The following RIMS2 variants were observed in gnomAD, a reference collection of about 807,000 sequenced individuals.
RIMS2 encodes the protein regulating synaptic membrane exocytosis 2, also known as regulating synaptic membrane exocytosis protein 2.
RIMS2 carries 59 observed loss-of-function variants against 174.4 expected under a neutral mutation model. That is an observed-to-expected ratio of 0.34 (90% CI 0.27 to 0.42). The LOEUF (loss-of-function observed/expected upper bound fraction) is 0.42. Ranked by LOEUF, RIMS2 falls within the 10% of genes least tolerant of loss-of-function variation. The pLI is 1.00. For missense variants in RIMS2, 1,620 were observed against 1,666.3 expected (o/e 0.97, Z 0.48); for synonymous variants, 606 against 572.5 (o/e 1.06, Z -0.84).
intron 1 of RIMS2, among the ~76,000 whole-genome samples, chr8:103,671,191 G>A (rs191131359): frequency 2.1e-4 from 31 of 148,842 alleles, no homozygotes; most frequent in Non-Finnish European, 3.9e-4. Context: ...AACAATATGG[G>A]GGAAACCGCC....
chr8:104,139,296 T>G (rs899296045), intron 19 of RIMS2, among the ~76,000 whole-genome samples: 1 of 152,214 alleles, frequency 6.6e-6, no homozygotes, highest in Non-Finnish European at 1.5e-5. Context: ...TTTCTATTTC[T>G]GTGAAGAATA....
intron 1 of RIMS2, among the ~76,000 whole-genome samples, chr8:103,615,039 T>C (rs575217461): frequency 9.0e-4 from 137 of 152,364 alleles, no homozygotes; most frequent in African/African-American, 3.1e-3. Flanking sequence ...ATTATGTTTA[T>C]ATTATATTAT....
chr8:104,138,710 T>C (rs1013111411), intron 19 of RIMS2, among the ~76,000 whole-genome samples: 4 of 151,848 alleles, frequency 2.6e-5, no homozygotes, highest in Non-Finnish European at 4.4e-5. Flanking sequence ...TTTCTCCTAT[T>C]CTGTGGATTG....
At chr8:103,616,927 C>G (rs1439384785) in intron 1 of RIMS2, among the ~76,000 whole-genome samples, 2 of 152,148 alleles carry the variant, frequency 1.3e-5, no homozygotes, top group Admixed American at 1.3e-4. Context: ...GAATCGGTAT[C>G]ATTAAAATAG....
In RIMS2 at chr8:104,243,687, A is replaced by G. The variant is rs371758167; in HGVS notation, c.3335-1229A>G. Among the ~76,000 whole-genome samples the G allele has an allele frequency of 3.0e-4, 45 of 152,172 alleles. 1 individual carries two copies. In the East Asian group the frequency reaches 6.4e-3, roughly 22 times the overall value. ...GGCAACAGTGCAAGACTTTGTCTCAAAAAAAAAGAACTTATTAATACCAGC... is the reference window on the plus strand; with the variant it reads ...GGCAACAGTGCAAGACTTTGTCTCAGAAAAAAAGAACTTATTAATACCAGC... On this transcript the variant is annotated intron_variant, in intron 19 of 23. Transcript: ENST00000504942.
intron 3 of RIMS2, among the ~76,000 whole-genome samples, chr8:103,884,982 A>C (rs187650291): frequency 2.2e-3 from 330 of 151,976 alleles, no homozygotes; most frequent in Non-Finnish European, 4.0e-3. Context: ...TGGGTAGTGG[A>C]AGTGTACGTA....
intron 1 of RIMS2, among the ~76,000 whole-genome samples, chr8:103,524,421 T>C (rs76082564): frequency 0.065 from 9,939 of 152,148 alleles, 402 homozygotes; most frequent in South Asian, 0.088. Context: ...AAAACCACAC[T>C]AAATATTTTA....
At chr8:103,869,824 T>C (rs570980275) in intron 3 of RIMS2, among the ~76,000 whole-genome samples, 1 of 152,096 alleles carries the variant, frequency 6.6e-6, no homozygotes, top group Non-Finnish European at 1.5e-5. Flanking sequence ...AGTTTGAGGA[T>C]CTTAATTTTA....
At chr8:103,757,008 T>A (rs772245596) in intron 2 of RIMS2, among the ~76,000 whole-genome samples, 14,445 of 122,266 alleles carry the variant, frequency 0.12, 736 homozygotes, top group Middle Eastern at 0.22. Flanking sequence ...TGTGTGTGTG[T>A]GTGAGAGAGA....
At chr8:103,838,114 T>TTTTTGTAG (rs2098915548) in intron 3 of RIMS2, among the ~76,000 whole-genome samples, 1 of 151,998 alleles carries the variant, frequency 6.6e-6, no homozygotes, top group African/African-American at 2.4e-5. Flanking sequence ...GCCTGGCTAA[T>TTTTTGTAG]TTTTGTAGTT....
intron 1 of RIMS2, among the ~76,000 whole-genome samples, chr8:103,667,654 C>G (rs1190396728): frequency 6.6e-6 from 1 of 152,186 alleles, no homozygotes; most frequent in African/African-American, 2.4e-5. Context: ...ACACAAACCC[C>G]TTTTCCAGTG....
chr8:104,209,627 T>C (rs1019549141), intron 19 of RIMS2, among the ~76,000 whole-genome samples: 6 of 152,234 alleles, frequency 3.9e-5, no homozygotes, highest in African/African-American at 1.4e-4. Context: ...TTCCCCTTGC[T>C]AGAATATGAG....
chr8:104,162,971 G>A (rs553337978), intron 19 of RIMS2, among the ~76,000 whole-genome samples: 4 of 152,188 alleles, frequency 2.6e-5, no homozygotes, highest in African/African-American at 7.2e-5. Context: ...AGTCCTGTCC[G>A]TGTTACCTAC....
At chr8:103,594,673 C>G (rs1413847773) in intron 1 of RIMS2, among the ~76,000 whole-genome samples, 1 of 151,792 alleles carries the variant, frequency 6.6e-6, no homozygotes, top group Non-Finnish European at 1.5e-5. Flanking sequence ...CAGATTGCTG[C>G]TGGATGGCAT....
intron 3 of RIMS2, among the ~76,000 whole-genome samples, chr8:103,836,915 T>C (rs368607017): frequency 1.2e-4 from 19 of 152,330 alleles, no homozygotes; most frequent in African/African-American, 4.6e-4. Flanking sequence ...CAATGAAAAG[T>C]GGTACCACAG....
chr8:103,707,425 T>G (rs1227057688), intron 2 of RIMS2, among the ~76,000 whole-genome samples: 2 of 152,084 alleles, frequency 1.3e-5, no homozygotes, highest in Non-Finnish European at 2.9e-5. Flanking sequence ...GGTCTTCCAA[T>G]AATTGTTAAG....
chr8:103,713,550 T>C (rs2097333911), intron 2 of RIMS2, among the ~76,000 whole-genome samples: 1 of 152,210 alleles, frequency 6.6e-6, no homozygotes, highest in African/African-American at 2.4e-5. Context: ...TTTGATTTTA[T>C]CATTTCCTGT....
At chr8:103,634,138 C>A (rs1016590412) in intron 1 of RIMS2, among the ~76,000 whole-genome samples, 6 of 152,140 alleles carry the variant, frequency 3.9e-5, no homozygotes, top group Admixed American at 3.9e-4. Flanking sequence ...ATCTTTCTTA[C>A]TTTTGATGTA....
chr8:103,802,497 G>A (rs1403878139), intron 3 of RIMS2, among the ~76,000 whole-genome samples: 1 of 152,116 alleles, frequency 6.6e-6, no homozygotes, highest in African/African-American at 2.4e-5. Flanking sequence ...TATTGGTCAA[G>A]GATATAATGG....
Sources: gnomAD v4.1 joint callset for allele counts (sites outside exome capture counted in the v4.1 genomes callset) on GRCh38, gnomAD v4.1.1 for gene constraint, MANE v1.5 for transcripts, NCBI Gene and HGNC (gene_info 2026-07-23, HGNC 2026-07-21) for gene names.